NAA11: variants seen among roughly 807,000 people sequenced by gnomAD.
NAA11 encodes N-alpha-acetyltransferase 11.
NAA11 carries 15 observed loss-of-function variants against 16.1 expected under a neutral mutation model. The ratio of observed to expected loss-of-function variants is 0.93; its 90% CI spans 0.62 to 1.44. NAA11 has a LOEUF of 1.44. Ranked by LOEUF, NAA11 falls within the 40% of genes most tolerant of loss-of-function variation. The probability of loss-of-function intolerance (pLI) is 0.00; values close to 1 mark genes in which losing one functional copy is unlikely to be tolerated. For missense variants in NAA11, 298 were observed against 291.3 expected (o/e 1.02, Z -0.17); for synonymous variants, 122 against 112.4 (o/e 1.09, Z -0.54).
chr4:79,238,890 C>T (rs1469981283), intron 2 of NAA11, among the ~76,000 whole-genome samples: 1 of 152,178 alleles, frequency 6.6e-6, no homozygotes, highest in East Asian at 1.9e-4. Context: ...ACTAATGTCA[C>T]TGCAATTCTG....
downstream of NAA11, among the ~76,000 whole-genome samples, chr4:79,315,764 T>C (rs1723910174): frequency 6.6e-6 from 1 of 152,178 alleles, no homozygotes; most frequent in South Asian, 2.1e-4. Flanking sequence ...TCACAATTTG[T>C]GTTTCAAAAA....
At chr4:79,306,045 A>C (rs1723570851) in intron 1 of NAA11, among the ~76,000 whole-genome samples, 1 of 152,160 alleles carries the variant, frequency 6.6e-6, no homozygotes, top group African/African-American at 2.4e-5. Context: ...CACTCTTCTT[A>C]ATAGAGAAGT....
intron 2 of NAA11, among the ~76,000 whole-genome samples, chr4:79,237,880 C>A (rs1222915460): frequency 1.3e-5 from 2 of 152,206 alleles, no homozygotes; most frequent in African/African-American, 4.8e-5. Context: ...TTCCGTAGAT[C>A]TGCAAATCAA....
At chr4:79,295,063 G>A (rs898753717) in intron 1 of NAA11, among the ~76,000 whole-genome samples, 2 of 152,206 alleles carry the variant, frequency 1.3e-5, no homozygotes, top group African/African-American at 4.8e-5. Context: ...AAAGAATATA[G>A]TAGACAAGGT....
At chr4:79,224,948 A>G (rs1364954113), downstream of NAA11, among the ~76,000 whole-genome samples, 1 of 152,100 alleles carries the variant, frequency 6.6e-6, no homozygotes. Context: ...AATTGTCAAG[A>G]TCATGAAAAA....
intron 1 of NAA11, among the ~76,000 whole-genome samples, chr4:79,303,076 T>TTATACA (rs1013787503): frequency 4.7e-4 from 32 of 67,530 alleles, no homozygotes; most frequent in South Asian, 1.3e-3. Context: ...TTGAGGCCTT[T>TTATACA]TATATATATA....
At chr4:79,159,575 C>T in the NAA11 span, among the ~76,000 whole-genome samples, 1 of 152,144 alleles carries the variant, frequency 6.6e-6, no homozygotes, top group Admixed American at 6.6e-5. Context: ...ATTTCCAAAA[C>T]ATTTAATCAC....
chr4:79,202,311 C>T, the NAA11 span, among the ~76,000 whole-genome samples: 1 of 151,292 alleles, frequency 6.6e-6, no homozygotes, highest in Non-Finnish European at 1.5e-5. Flanking sequence ...GTGGATGAAT[C>T]TGTAGGACAT....
chr4:79,260,397 C>A (rs1722221620), intron 2 of NAA11, among the ~76,000 whole-genome samples: 1 of 152,206 alleles, frequency 6.6e-6, no homozygotes, highest in Admixed American at 6.5e-5. Flanking sequence ...ATAATGCAAT[C>A]CTCTGTTTTA....
intron 2 of NAA11, among the ~76,000 whole-genome samples, chr4:79,276,866 A>G (rs1305396282): frequency 6.6e-6 from 1 of 152,174 alleles, no homozygotes; most frequent in Non-Finnish European, 1.5e-5. Flanking sequence ...GCAGGATTTG[A>G]GTCAATATTT....
the NAA11 span, among the ~76,000 whole-genome samples, chr4:79,209,151 T>G: frequency 6.6e-6 from 1 of 152,112 alleles, no homozygotes; most frequent in Non-Finnish European, 1.5e-5. Flanking sequence ...AATTGCATCT[T>G]TTCCTGAAAT....
intron 2 of NAA11, among the ~76,000 whole-genome samples, chr4:79,249,934 A>G (rs1004073305): frequency 6.6e-6 from 1 of 152,236 alleles, no homozygotes; most frequent in African/African-American, 2.4e-5. Context: ...CAACCTAGGC[A>G]TCCAGGTTCT....
the NAA11 span, among the ~76,000 whole-genome samples, chr4:79,186,350 C>T: frequency 1.3e-5 from 2 of 152,128 alleles, no homozygotes; most frequent in East Asian, 1.9e-4. Flanking sequence ...TTCAGGAATT[C>T]GAAGCTGTTG....
intron 1 of NAA11, among the ~76,000 whole-genome samples, chr4:79,300,134 A>C (rs775269999): frequency 6.6e-6 from 1 of 152,228 alleles, no homozygotes; most frequent in Non-Finnish European, 1.5e-5. Context: ...TATCTTGAGA[A>C]TTTGTAAAAA....
intron 2 of NAA11, among the ~76,000 whole-genome samples, chr4:79,284,219 T>C (rs1226798578): frequency 2.0e-5 from 3 of 152,076 alleles, no homozygotes; most frequent in Non-Finnish European, 4.4e-5. Context: ...TGAAAGGCTC[T>C]ACAGAGGTTG....
At chr4:79,309,013 G>A (rs1479388863) in intron 1 of NAA11, among the ~76,000 whole-genome samples, 1 of 152,130 alleles carries the variant, frequency 6.6e-6, no homozygotes, top group Non-Finnish European at 1.5e-5. Context: ...GAAAAGGTGT[G>A]GGAGGGGGAT....
chr4:79,236,513 T>G (rs1042205610), intron 2 of NAA11, among the ~76,000 whole-genome samples: 1 of 152,134 alleles, frequency 6.6e-6, no homozygotes, highest in African/African-American at 2.4e-5. Context: ...AAATTCATTT[T>G]AAAACTGATT....
intron 2 of NAA11, among the ~76,000 whole-genome samples, chr4:79,285,870 T>TA (rs1282912435): frequency 6.6e-6 from 1 of 152,068 alleles, no homozygotes; most frequent in Non-Finnish European, 1.5e-5. Flanking sequence ...GGTAGAATGA[T>TA]ACTGCATGCA....
At chr4:79,158,958 A>G in the NAA11 span, among the ~76,000 whole-genome samples, 4 of 152,288 alleles carry the variant, frequency 2.6e-5, no homozygotes, top group Admixed American at 2.6e-4. Context: ...AAGGACTTAA[A>G]TATAAGACCT....
Sources: gnomAD v4.1 joint callset for allele counts (sites outside exome capture counted in the v4.1 genomes callset) on GRCh38, gnomAD v4.1.1 for gene constraint, MANE v1.5 for transcripts, NCBI Gene and HGNC (gene_info 2026-07-23, HGNC 2026-07-21) for gene names.